Variants in BABAM2 observed in about 807,000 individuals in gnomAD.
The protein encoded by BABAM2 is BRISC and BRCA1 A complex member 2.
In BABAM2, 31 loss-of-function variants were observed where a neutral mutation model predicts 54.7. The ratio of observed to expected loss-of-function variants is 0.57; its 90% CI spans 0.43 to 0.77. The LOEUF (loss-of-function observed/expected upper bound fraction) is 0.77, where lower values mean the gene tolerates loss of function less well. Ranked by LOEUF, BABAM2 falls within the 30% of genes least tolerant of loss-of-function variation. The probability of loss-of-function intolerance (pLI) is 0.00; values close to 1 mark genes in which losing one functional copy is unlikely to be tolerated. For missense variants in BABAM2, 364 were observed against 455.8 expected (o/e 0.80, Z 1.83); for synonymous variants, 167 against 162.9 (o/e 1.03, Z -0.19).
intron 3 of BABAM2, among the ~76,000 whole-genome samples, chr2:27,952,191 T>C (rs1278681838): frequency 6.6e-6 from 1 of 152,240 alleles, no homozygotes; most frequent in African/African-American, 2.4e-5. Flanking sequence ...TTTTAACCTA[T>C]TTGTGTCTTT....
intron 4 of BABAM2, among the ~76,000 whole-genome samples, chr2:28,004,363 G>A (rs1003388482): frequency 2.0e-5 from 3 of 152,056 alleles, no homozygotes; most frequent in African/African-American, 4.8e-5. Flanking sequence ...CCTTGTATAC[G>A]TTTTAAGAAT....
intron 7 of BABAM2, among the ~76,000 whole-genome samples, chr2:28,178,811 C>T (rs778975518): frequency 4.6e-5 from 7 of 151,580 alleles, no homozygotes; most frequent in Non-Finnish European, 7.4e-5. Flanking sequence ...GAGGACATTA[C>T]AACTGATACC....
chr2:27,979,980 T>G (rs1671886244), intron 3 of BABAM2, among the ~76,000 whole-genome samples: 1 of 152,196 alleles, frequency 6.6e-6, no homozygotes, highest in Admixed American at 6.5e-5. Context: ...AAATAAAATC[T>G]ACTTTGTATT....
intron 11 of BABAM2, among the ~76,000 whole-genome samples, chr2:28,333,536 C>A (rs1691148777): frequency 6.6e-6 from 1 of 152,234 alleles, no homozygotes; most frequent in Admixed American, 6.5e-5. Context: ...GCTCTGAATT[C>A]ATGGGAAACC....
intron 5 of BABAM2, among the ~76,000 whole-genome samples, chr2:28,045,289 A>G (rs1488490821): frequency 6.6e-6 from 1 of 152,174 alleles, no homozygotes; most frequent in African/African-American, 2.4e-5. Context: ...ACATCCAGAA[A>G]GGATGGTGGT....
chr2:27,949,815 CTT>C (rs1236057251), intron 3 of BABAM2, among the ~76,000 whole-genome samples: 1 of 152,158 alleles, frequency 6.6e-6, no homozygotes, highest in Non-Finnish European at 1.5e-5. Flanking sequence ...GCACCCATCT[CTT>C]TAAAACATCT....
chr2:28,329,845 A>G lies in BABAM2; in HGVS notation c.1089-8605A>G, dbSNP rs187677012. Among the ~76,000 whole-genome samples, 1 of 152,366 alleles carries G rather than the reference A, an allele frequency of 6.6e-6. No homozygotes were observed. The highest frequency in any genetic ancestry group is 2.4e-5 in the African/African-American group (1 of 41,586). Reference sequence around the variant, plus strand: ...TAACTCACTTTATGAGACCAGCATTATCCTGATACCAAAACCTGGCAGAGA... The same window carrying G: ...TAACTCACTTTATGAGACCAGCATTGTCCTGATACCAAAACCTGGCAGAGA... On this transcript the variant is annotated intron_variant, in intron 11 of 11. Transcript: ENST00000379624. The surrounding 1 kb of genome is among the most constrained non-coding windows in gnomAD (Gnocchi z 4.2).
chr2:28,039,832 C>T (rs978709184), intron 5 of BABAM2, among the ~76,000 whole-genome samples: 3 of 152,140 alleles, frequency 2.0e-5, no homozygotes, highest in African/African-American at 7.2e-5. Context: ...AGGAAAGATG[C>T]ACATATTTAT....
At chr2:28,081,048 A>G (rs1368475736) in intron 6 of BABAM2, among the ~76,000 whole-genome samples, 1 of 152,344 alleles carries the variant, frequency 6.6e-6, no homozygotes, top group East Asian at 1.9e-4. Flanking sequence ...AAGAATTTTT[A>G]TTGCATAGAA....
intron 2 of BABAM2, among the ~76,000 whole-genome samples, chr2:27,905,835 G>C (rs1666150809): frequency 6.6e-6 from 1 of 152,118 alleles, no homozygotes; most frequent in East Asian, 1.9e-4. Flanking sequence ...ATTGCTTTTT[G>C]CAAATCTACG....
chr2:28,014,409 C>T (rs1291595519), intron 4 of BABAM2, among the ~76,000 whole-genome samples: 5 of 152,098 alleles, frequency 3.3e-5, no homozygotes, highest in African/African-American at 9.7e-5. Flanking sequence ...AAACACAAGT[C>T]GCAAATCACC....
intron 6 of BABAM2, among the ~76,000 whole-genome samples, chr2:28,120,183 A>C (rs2148748251): frequency 6.6e-6 from 1 of 152,304 alleles, no homozygotes; most frequent in East Asian, 1.9e-4. Flanking sequence ...AAAACACATA[A>C]AGCATATACT....
chr2:28,292,626 C>T (rs1687378840), intron 10 of BABAM2, among the ~76,000 whole-genome samples: 1 of 152,144 alleles, frequency 6.6e-6, no homozygotes, highest in Admixed American at 6.5e-5. Flanking sequence ...CCCTCATGGT[C>T]ACAAGATGGG....
chr2:28,184,457 T>C (rs1676053258), intron 7 of BABAM2, among the ~76,000 whole-genome samples: 1 of 151,532 alleles, frequency 6.6e-6, no homozygotes, highest in Non-Finnish European at 1.5e-5. Context: ...TAGATATATC[T>C]CCTAATGCTA....
intron 3 of BABAM2, among the ~76,000 whole-genome samples, chr2:27,970,589 A>G (rs1410066859): frequency 6.6e-6 from 1 of 152,164 alleles, no homozygotes; most frequent in African/African-American, 2.4e-5. Context: ...AGAAAAGAAC[A>G]TTTTTCTCCT....
intron 4 of BABAM2, among the ~76,000 whole-genome samples, chr2:27,989,212 A>G (rs1006510848): frequency 6.6e-6 from 1 of 152,126 alleles, no homozygotes; most frequent in African/African-American, 2.4e-5. Context: ...GGAAAAAAAA[A>G]TGACACAGAG....
intron 6 of BABAM2, among the ~76,000 whole-genome samples, chr2:28,120,905 T>C (rs1044213062): frequency 1.3e-5 from 2 of 152,166 alleles, no homozygotes; most frequent in African/African-American, 4.8e-5. Flanking sequence ...AAGAACTTTT[T>C]AAGAAGGGGA....
chr2:28,205,267 T>G (rs1430070734), intron 7 of BABAM2, among the ~76,000 whole-genome samples: 1 of 151,990 alleles, frequency 6.6e-6, no homozygotes, highest in African/African-American at 2.4e-5. Flanking sequence ...TTTGGGAGGC[T>G]GAGGTGGGTG....
intron 3 of BABAM2, among the ~76,000 whole-genome samples, chr2:27,931,928 A>C (rs1484684949): frequency 2.0e-5 from 3 of 152,090 alleles, no homozygotes; most frequent in African/African-American, 7.2e-5. Context: ...TTGTTAACTT[A>C]CTGTCCGTTC....
Sources: gnomAD v4.1 joint callset for allele counts (sites outside exome capture counted in the v4.1 genomes callset) on GRCh38, gnomAD v4.1.1 for gene constraint, Gnocchi (gnomAD v3.1) non-coding constraint, MANE v1.5 for transcripts, NCBI Gene and HGNC (gene_info 2026-07-23, HGNC 2026-07-21) for gene names.